The following PLEKHG2 variants were observed in gnomAD, a reference collection of about 807,000 sequenced individuals.
PLEKHG2 encodes pleckstrin homology and RhoGEF domain containing G2.
A neutral mutation model predicts 104.4 loss-of-function variants in PLEKHG2; 71 were observed. The observed-to-expected ratio is 0.68, with a 90% CI of 0.56 to 0.83. The LOEUF is 0.83. Ranked by LOEUF, PLEKHG2 falls within the 40% of genes least tolerant of loss-of-function variation. The pLI is 0.00. For missense variants in PLEKHG2, 1,730 were observed against 1,809.4 expected (o/e 0.96, Z 0.80); for synonymous variants, 728 against 737.0 (o/e 0.99, Z 0.20).
chr19:39,418,980 C>A lies in PLEKHG2; in HGVS notation c.1240C>A (p.His414Asn). The change falls in exon 11 of 19, where the codon CAC becomes AAC. Residue 414 changes from histidine to asparagine, a missense_variant. Transcript: ENST00000425673. ...HCLQRLFFEN[H>N]PASIPAKAKQ... ...TCTCCAGCGCCTCTTCTTTGAGAAC[C>A]ACCCTGCCTCCATCCCTGCCAAGGT... The A allele has an allele frequency of 6.2e-7, 1 of 1,612,758 alleles. No individual in the cohort carries two copies. Among genetic ancestry groups the A allele is most frequent in the South Asian group, 1.1e-5 (1 of 91,002 alleles).
In PLEKHG2 at chr19:39,426,768, C is replaced by G. The variant is rs1466294208; in HGVS notation, c.*1474C>G. On this transcript the variant is annotated 3_prime_UTR_variant, in exon 19 of 19. Transcript: ENST00000425673. ...CTCTGACTTGCTTAGGAGCATCATT[C>G]AAATCACAGATCCCCCAGTATCTAG... The G allele has an allele frequency of 6.6e-6, 1 of 152,070 alleles. No individual in the cohort carries two copies. Among genetic ancestry groups the G allele is most frequent in the African/African-American group, 2.4e-5 (1 of 41,386 alleles). 9.4% of individuals were successfully genotyped at this position (152,070 alleles called of 1,614,324 possible).
chr19:39,418,646 C>G lies in PLEKHG2; in HGVS notation c.1084-88C>G, dbSNP rs904953049. The G allele has an allele frequency of 1.7e-5, 18 of 1,043,914 alleles. No individual in the cohort carries two copies. In the African/African-American group the frequency reaches 1.8e-4, roughly 10 times the overall value. 64.7% of individuals were successfully genotyped at this position (1,043,914 alleles called of 1,614,324 possible). A position where few individuals can be genotyped will look rare whatever the true frequency, so the allele number is the denominator to read the frequency against. On this transcript the variant is annotated intron_variant, in intron 9 of 18. Transcript: ENST00000425673. ...GGATGCATCTTCCTAGGGAGGAGGA[C>G]CCAGATACACCTCCAAGGGTGTCTC...
rs251861 is a variant in PLEKHG2, at chr19:39,414,721, C to T, written c.110-271C>T. 8.4e-3 allele frequency among the ~76,000 whole-genome samples: 1,271 copies of T among 152,142 alleles called. 18 individuals carry two copies. The highest frequency in any genetic ancestry group is 0.029 in the African/African-American group (1,196 of 41,484). On this transcript the variant is annotated intron_variant, in intron 2 of 18. Transcript: ENST00000425673. ...CAGGGGCATGAAGGGGTTACACTCA[C>T]GGGAGTAATACAGTCAGATAGACAA...
Position 39,424,561 on chromosome 19 carries a change from C to A in PLEKHG2, c.3428C>A (p.Thr1143Asn), listed in dbSNP as rs1281563442. Reference protein sequence around the residue: ...QELPDTQVPATTPLPLPQVLT... With the variant: ...QELPDTQVPANTPLPLPQVLT... ...CTCCCAGACACTCAGGTTCCAGCTA[C>A]CACACCTTTGCCCCTGCCACAAGTC... Residue 1143 changes from threonine to asparagine, a missense_variant, in exon 19 of 19, where the codon ACC becomes AAC. By Grantham distance (65) the Thr-to-Asn change is moderately conservative. Transcript: ENST00000425673. The A allele has an allele frequency of 6.2e-7, 1 of 1,614,194 alleles. No homozygotes were observed. Among genetic ancestry groups the A allele is most frequent in the East Asian group, 2.2e-5 (1 of 44,876 alleles).
chr19:39,421,235 C>T, intron 15 of PLEKHG2, 48 bp from the exon 16 acceptor site: 1 of 1,613,340 alleles, frequency 6.2e-7, no homozygotes, highest in Non-Finnish European at 8.5e-7. Context: ...ACTCTTTTTC[C>T]CTTACATCTC....
At chr19:39,414,330 C>G in intron 2 of PLEKHG2, 135 bp downstream of exon 2, 1 of 904,906 alleles carries the variant, frequency 1.1e-6, no homozygotes, top group Non-Finnish European at 1.7e-6. Flanking sequence ...CGGGCCCATC[C>G]CCAGGCAATG....
At position 39,423,947 on chromosome 19, in the gene PLEKHG2, G is replaced by A; in HGVS notation, c.2814G>A (p.Leu938=). 6.2e-7 allele frequency: 1 copy of A among 1,614,124 alleles called. No homozygotes were observed. The highest frequency in any genetic ancestry group is 8.5e-7 in the Non-Finnish European group (1 of 1,180,000). ...TCCACGTTTCAGCTGCTACCCTTTT[G>A]CCTGAGCAAGGAGGTTCCCGGCATG... is the stretch of plus-strand genomic sequence containing the variant. ...PGIHVSAATL[L]PEQGGSRHVQ... The change falls in exon 19 of 19, where the codon TTG becomes TTA. Residue 938 remains leucine (L), a synonymous_variant. Coordinates refer to ENST00000425673, the MANE Select transcript of PLEKHG2 (RefSeq NM_022835.3).
rs1329113052 is a variant in PLEKHG2, at chr19:39,423,943, T to C, written c.2810T>C (p.Leu937Pro). Residue 937 changes from leucine (L) to proline (P), a missense_variant, in exon 19 of 19, where the codon CTT becomes CCT. By Grantham distance (98) the Leu-to-Pro change is moderately conservative. Transcript: ENST00000425673. ...LPGIHVSAAT[L>P]LPEQGGSRHV... is the part of the protein sequence containing the mutation. ...GGCATCCACGTTTCAGCTGCTACCC[T>C]TTTGCCTGAGCAAGGAGGTTCCCGG... is the stretch of plus-strand genomic sequence containing the variant. 6.2e-7 allele frequency: 1 copy of C among 1,614,124 alleles called. No individual in the cohort carries two copies. Among genetic ancestry groups the C allele is most frequent in the East Asian group, 2.2e-5 (1 of 44,876 alleles).
rs2078634364 is a variant in PLEKHG2, at chr19:39,417,947, A to G, written c.925A>G (p.Ser309Gly). Residue 309 changes from serine to glycine, a missense_variant, in exon 9 of 19, where the codon AGT (serine) becomes GGT (glycine). By Grantham distance (56) the Ser-to-Gly change is moderately conservative. Transcript: ENST00000425673. ...RLGGWTGPELSAFGELVLEGA... is the reference protein window; with the variant it reads ...RLGGWTGPELGAFGELVLEGA... ...GGGTGGCTGGACCGGACCAGAGCTCAGTGCTTTTGGGGAACTGGTGTTGGA... is the reference window on the plus strand; with the variant it reads ...GGGTGGCTGGACCGGACCAGAGCTCGGTGCTTTTGGGGAACTGGTGTTGGA... The G allele has an allele frequency of 6.5e-7, 1 of 1,543,864 alleles. No individual in the cohort carries two copies. The highest frequency in any genetic ancestry group is 1.2e-5 in the South Asian group (1 of 83,820).
In PLEKHG2 at chr19:39,416,523, G is replaced by A. The variant is rs777656128; in HGVS notation, c.547-28G>A. The A allele has an allele frequency of 6.2e-7, 1 of 1,613,744 alleles. No homozygotes were observed. The highest frequency in any genetic ancestry group is 1.7e-5 in the Admixed American group (1 of 60,002). ...GGGTCGTGGGAAGCCAGGACCTGGG[G>A]TCTCCCTGACTCCCATGTCACCCGC... On this transcript the variant is annotated intron_variant, in intron 5 of 18. Transcript: ENST00000425673. This position sits in a 1 kb window ranked among gnomAD's most constrained non-coding sequence, Gnocchi z 4.5.
chr19:39,419,292 C>T (rs558694067), intron 11 of PLEKHG2, among the ~76,000 whole-genome samples: 1 of 152,294 alleles, frequency 6.6e-6, no homozygotes, highest in South Asian at 2.1e-4. Flanking sequence ...ACGTCATGGG[C>T]TTGACCAATA....
chr19:39,416,909 A>G lies in PLEKHG2; in HGVS notation c.653A>G (p.Glu218Gly), dbSNP rs1239039259. 35 of 1,612,838 alleles carry G rather than the reference A, an allele frequency of 2.2e-5. No individual in the cohort carries two copies. Among genetic ancestry groups the G allele is most frequent in the Non-Finnish European group, 2.9e-5 (34 of 1,179,830 alleles). ...CCGCCAGCAGCCCTGTGGCTGCAGGAGCGCCAGGCCCAGCTTCGCCACTCG... is the reference window on the plus strand; with the variant it reads ...CCGCCAGCAGCCCTGTGGCTGCAGGGGCGCCAGGCCCAGCTTCGCCACTCG... ...LSPPAALWLQERQAQLRHSLP... is the reference protein window; with the variant it reads ...LSPPAALWLQGRQAQLRHSLP... Residue 218 changes from glutamate (E) to glycine (G), a missense_variant, in exon 7 of 19, where the codon GAG becomes GGG. Physicochemically the swap from Glu to Gly is moderately conservative, Grantham distance 98. Coordinates refer to ENST00000425673, the MANE Select transcript of PLEKHG2 (RefSeq NM_022835.3). The surrounding 1 kb of genome is among the most constrained non-coding windows in gnomAD (Gnocchi z 4.5).
rs1568405472 is a variant in PLEKHG2, at chr19:39,428,300, CGCATGAG to C, written c.*3009_*3015del. 6.6e-6 allele frequency: 1 copy of C among 152,304 alleles called. No individual in the cohort carries two copies. The highest frequency in any genetic ancestry group is 1.5e-5 in the Non-Finnish European group (1 of 68,092). The allele number at this position is 152,304 out of a possible 1,614,324, so 9.4% of individuals were successfully genotyped here. On this transcript the variant is annotated 3_prime_UTR_variant, in exon 19 of 19. Coordinates refer to ENST00000425673, the MANE Select transcript of PLEKHG2 (RefSeq NM_022835.3). ...ATACATGAGAGAACACTGCCTTGCC[CGCATGAG>C]GCTTGTGGCCTGGTACTGTGCACAC...
chr19:39,418,305 G>A (rs536034137), intron 9 of PLEKHG2, among the ~76,000 whole-genome samples, 200 bp downstream of exon 9: 1 of 152,304 alleles, frequency 6.6e-6, no homozygotes, highest in African/African-American at 2.4e-5. Flanking sequence ...AAGGCTGGGC[G>A]TGGTGGCTCA....
rs2078615196 is a variant in PLEKHG2 at position 39,416,927 on chromosome 19, G to A, written c.671G>A (p.Arg224His). The change falls in exon 7 of 19, where the codon CGC (arginine) becomes CAC (histidine). Residue 224 changes from arginine to histidine, a missense_variant. By Grantham distance (29) the Arg-to-His change is conservative. Transcript: ENST00000425673. The surrounding 1 kb of genome is among the most constrained non-coding windows in gnomAD (Gnocchi z 4.5). ...LWLQERQAQLRHSLPLQSFLL... is the reference protein window; with the variant it reads ...LWLQERQAQLHHSLPLQSFLL... ...CTGCAGGAGCGCCAGGCCCAGCTTC[G>A]CCACTCGCTGCCCCTGCAGAGCTTC... The A allele has an allele frequency of 1.2e-6, 2 of 1,613,266 alleles. No individual in the cohort carries two copies. Among genetic ancestry groups the A allele is most frequent in the Non-Finnish European group, 1.7e-6 (2 of 1,179,908 alleles).
chr19:39,422,032 A>C, intron 16 of PLEKHG2, 83 bp from the exon 17 acceptor site: 13 of 1,401,972 alleles, frequency 9.3e-6, no homozygotes, highest in African/African-American at 1.5e-5. Context: ...AAACAAACGC[A>C]AAAGAAGGGG....
chr19:39,417,943 G>A lies in PLEKHG2; in HGVS notation c.921G>A (p.Glu307=), dbSNP rs934004942. Reference sequence around the variant, plus strand: ...GGCTGGGTGGCTGGACCGGACCAGAGCTCAGTGCTTTTGGGGAACTGGTGT... The same window carrying A: ...GGCTGGGTGGCTGGACCGGACCAGAACTCAGTGCTTTTGGGGAACTGGTGT... ...QRRLGGWTGP[E]LSAFGELVLE... Residue 307 remains glutamate (E), a synonymous_variant, in exon 9 of 19, where the codon GAG becomes GAA. Transcript: ENST00000425673. 25 of 1,543,822 alleles carry A rather than the reference G, an allele frequency of 1.6e-5. No individual in the cohort carries two copies. The Admixed American group carries it at 3.2e-4, about 20-fold the overall frequency.
chr19:39,425,166 G>C lies in PLEKHG2; in HGVS notation c.4033G>C (p.Gly1345Arg), dbSNP rs747055553. ...YATTVNIHVG[G>R]GGRLRPAKAQ... ...CACGACGGTTAACATCCACGTGGGCGGGGGTGGGCGGCTGCGGCCAGCCAA... is the reference window on the plus strand; with the variant it reads ...CACGACGGTTAACATCCACGTGGGCCGGGGTGGGCGGCTGCGGCCAGCCAA... Residue 1345 changes from glycine to arginine, a missense_variant, in exon 19 of 19, where the codon GGG (glycine) becomes CGG (arginine). Physicochemically the swap from Gly to Arg is moderately radical, Grantham distance 125. Transcript: ENST00000425673. 1.3e-6 allele frequency: 2 copies of C among 1,599,612 alleles called. No homozygotes were observed. The highest frequency in any genetic ancestry group is 8.5e-7 in the Non-Finnish European group (1 of 1,174,674).
rs750550245 is a variant in PLEKHG2, at chr19:39,422,788, C to T, written c.1734C>T (p.Ser578=). The T allele has an allele frequency of 1.3e-5, 20 of 1,527,270 alleles. No homozygotes were observed. Among genetic ancestry groups the T allele is most frequent in the African/African-American group, 4.2e-5 (3 of 71,860 alleles). 94.6% of individuals were successfully genotyped at this position (1,527,270 alleles called of 1,614,324 possible). ...FPGDSQVPGD[S]ETLTFQALPS... is the part of the protein sequence containing the mutation. ...GAGACTCCCAGGTGCCTGGCGACAG[C>T]GAAACCCTCACATTCCAAGCCCTGC... is the stretch of plus-strand genomic sequence containing the variant. The change falls in exon 18 of 19, where the codon AGC becomes AGT. Residue 578 remains serine (S), a synonymous_variant. Coordinates refer to ENST00000425673, the MANE Select transcript of PLEKHG2 (RefSeq NM_022835.3).
Sources: allele counts gnomAD v4.1 joint callset (sites outside exome capture counted in the v4.1 genomes callset), GRCh38; gene constraint gnomAD v4.1.1; non-coding constraint Gnocchi (gnomAD v3.1); transcripts MANE v1.5; gene names NCBI Gene and HGNC (gene_info 2026-07-23, HGNC 2026-07-21).